ZNF410: variants seen among roughly 807,000 people sequenced by gnomAD.
ZNF410 encodes the protein zinc finger protein 410.
Under a neutral mutation model 54.8 loss-of-function variants are expected in ZNF410, and 18 were observed. The observed-to-expected ratio is 0.33, with a 90% CI of 0.23 to 0.49. The LOEUF (loss-of-function observed/expected upper bound fraction) is 0.49, where lower values mean the gene tolerates loss of function less well. ZNF410 is among the 20% of genes least tolerant of loss of function. The pLI is 0.99. For missense variants in ZNF410, 405 were observed against 569.6 expected, an observed-to-expected ratio of 0.71 and a Z score of 2.94; for synonymous variants, 191 against 207.3, an observed-to-expected ratio of 0.92 and a Z score of 0.68.
At position 73,931,608 on chromosome 14, in the gene ZNF410, T is replaced by G. The variant is rs2055917143; in HGVS notation, c.*67T>G. 1 of 1,450,754 alleles carries G rather than the reference T, an allele frequency of 6.9e-7. No individual in the cohort carries two copies. The highest frequency in any genetic ancestry group is 9.7e-7 in the Non-Finnish European group (1 of 1,035,780). 89.9% of individuals were successfully genotyped at this position (1,450,754 alleles called of 1,614,324 possible). On this transcript the variant is annotated 3_prime_UTR_variant, in exon 12 of 12. Coordinates refer to ENST00000555044, the MANE Select transcript of ZNF410 (RefSeq NM_021188.3). Reference sequence around the variant, plus strand: ...CAAAATGCGTATACTGGGAACAGGATGCCTTAGCCCACAACAGAACCAGAA... The same window carrying G: ...CAAAATGCGTATACTGGGAACAGGAGGCCTTAGCCCACAACAGAACCAGAA...
At chr14:73,904,179 G>T (rs2055448457) in intron 6 of ZNF410, 69 bp downstream of exon 6, 1 of 1,540,616 alleles carries the variant, frequency 6.5e-7, no homozygotes, top group African/African-American at 1.4e-5. Flanking sequence ...AGAGGAACTT[G>T]CCCCTCAGGT....
intron 8 of ZNF410, chr14:73,909,642 G>A (rs1013238797): frequency 8.5e-6 from 4 of 471,694 alleles, no homozygotes; most frequent in African/African-American, 2.0e-5. Context: ...TTTCAGCTGT[G>A]TTTCTAATAA....
intron 3 of ZNF410, among the ~76,000 whole-genome samples, chr14:73,894,615 C>CG (rs1278845685): frequency 6.6e-6 from 1 of 151,848 alleles, no homozygotes; most frequent in African/African-American, 2.4e-5. Flanking sequence ...TTAGTAGAAA[C>CG]GGGGTTTCAC....
rs111246693 is a variant in ZNF410, at chr14:73,893,698, G to C, written c.34-99G>C. ...TTAGTTTTTGTTTGAATATGGATGA[G>C]ACTAGTGAACAGTCTTAATATTATC... On this transcript the variant is annotated intron_variant, in intron 2 of 11. Coordinates refer to ENST00000555044, the MANE Select transcript of ZNF410 (RefSeq NM_021188.3). The C allele has an allele frequency of 1.5e-3, 1,988 of 1,340,520 alleles. 2 individuals are homozygous for C. Among genetic ancestry groups the C allele is most frequent in the Non-Finnish European group, 1.7e-3 (1,724 of 1,006,268 alleles). 83.0% of individuals were successfully genotyped at this position (1,340,520 alleles called of 1,614,324 possible).
chr14:73,918,986 C>A (rs1283746852), intron 8 of ZNF410, among the ~76,000 whole-genome samples: 1 of 142,392 alleles, frequency 7.0e-6, no homozygotes, highest in Non-Finnish European at 1.5e-5. Flanking sequence ...GAGTAAGCCA[C>A]CGTGCCCGGC....
At position 73,892,070 on chromosome 14, in the gene ZNF410, C is replaced by A; in HGVS notation, c.-106C>A. The A allele has an allele frequency of 8.2e-7, 1 of 1,226,204 alleles. No homozygotes were observed. The highest frequency in any genetic ancestry group is 1.2e-6 in the Non-Finnish European group (1 of 826,492). The allele number at this position is 1,226,204 out of a possible 1,614,324, so 76.0% of individuals were successfully genotyped here. A position where few individuals can be genotyped will look rare whatever the true frequency, so the allele number is the denominator to read the frequency against. ...CTAGTACAACATCTTACGGGAAGAGCATAGTATTTCCTAGAGGAATATGAA... is the reference window on the plus strand; with the variant it reads ...CTAGTACAACATCTTACGGGAAGAGAATAGTATTTCCTAGAGGAATATGAA... On this transcript the variant is annotated 5_prime_UTR_variant, in exon 2 of 12. Transcript: ENST00000555044.
At chr14:73,907,371 G>A (rs1035744048) in intron 7 of ZNF410, among the ~76,000 whole-genome samples, 1 of 152,150 alleles carries the variant, frequency 6.6e-6, no homozygotes, top group African/African-American at 2.4e-5. Flanking sequence ...GCTGAGGTGA[G>A]CACATCACTT....
At position 73,892,141 on chromosome 14, in the gene ZNF410, C is replaced by T; in HGVS notation, c.-35C>T. On this transcript the variant is annotated 5_prime_UTR_variant, in exon 2 of 12. Transcript: ENST00000555044. ...GGCTCTGAATTAAATTTGAACTTGT[C>T]CCCTGAATAGCTACAGGTTTTGGAA... 6.2e-7 allele frequency: 1 copy of T among 1,612,486 alleles called. No individual in the cohort carries two copies. Among genetic ancestry groups the T allele is most frequent in the East Asian group, 2.2e-5 (1 of 44,826 alleles).
rs368441309 is a variant in ZNF410 at position 73,921,017 on chromosome 14, C to T, written c.1041C>T (p.Thr347=). 9 of 1,613,952 alleles carry T rather than the reference C, an allele frequency of 5.6e-6. No individual in the cohort carries two copies. Among genetic ancestry groups the T allele is most frequent in the Non-Finnish European group, 6.8e-6 (8 of 1,180,002 alleles). The change falls in exon 9 of 12, where the codon ACC becomes ACT. Residue 347 remains threonine (T), a synonymous_variant. Coordinates refer to ENST00000555044, the MANE Select transcript of ZNF410 (RefSeq NM_021188.3). ...ATCAGTGCCAAGTCTGTGGGAAGAC[C>T]TTCTCTCAGAGTGGAAGCAGGAATG... The part of the protein sequence containing the change: ...KPHQCQVCGK[T]FSQSGSRNVH...
At chr14:73,910,266 CAGGA>C (rs2140311472) in intron 8 of ZNF410, among the ~76,000 whole-genome samples, 1 of 152,262 alleles carries the variant, frequency 6.6e-6, no homozygotes. Flanking sequence ...TAAACTAAAA[CAGGA>C]AGAGATGAGA....
intron 3 of ZNF410, among the ~76,000 whole-genome samples, chr14:73,895,014 T>A (rs2055293170): frequency 6.6e-6 from 1 of 151,938 alleles, no homozygotes; most frequent in Non-Finnish European, 1.5e-5. Context: ...AATTAAAAAT[T>A]AGCTGGGCAT....
chr14:73,896,238 T>G, intron 3 of ZNF410, 78 bp from the exon 4 acceptor site: 1 of 996,854 alleles, frequency 1.0e-6, no homozygotes, highest in Non-Finnish European at 1.6e-6. Context: ...TTCCAAGAGA[T>G]GTTGGGTGCT....
intron 8 of ZNF410, chr14:73,913,984 G>C (rs1242203202): frequency 6.6e-6 from 1 of 152,116 alleles, no homozygotes; most frequent in African/African-American, 2.4e-5. Flanking sequence ...TGTCATCTGA[G>C]AGTAAAGATA....
At chr14:73,898,741 G>GT (rs1457193011) in intron 5 of ZNF410, among the ~76,000 whole-genome samples, 2 of 152,230 alleles carry the variant, frequency 1.3e-5, no homozygotes, top group African/African-American at 4.8e-5. Context: ...GCTCATGGCA[G>GT]TTTAACAATT....
In ZNF410 at chr14:73,909,074, A is replaced by G. The variant is rs146357990; in HGVS notation, c.914-267A>G. Among the ~76,000 whole-genome samples the G allele has an allele frequency of 1.6e-4, 24 of 152,338 alleles. 1 individual carries two copies. The East Asian group carries it at 4.6e-3, about 29-fold the overall frequency. On this transcript the variant is annotated intron_variant, in intron 7 of 11. Transcript: ENST00000555044. The stretch of plus-strand genomic sequence containing the variant: ...TGGGAGTCACTGAAGAAGGTAGGTT[A>G]ATGCAACTCTCCAGCTCTTGGGCCA...
intron 5 of ZNF410, among the ~76,000 whole-genome samples, chr14:73,902,927 A>C (rs1276515700): frequency 6.6e-6 from 1 of 152,178 alleles, no homozygotes; most frequent in Non-Finnish European, 1.5e-5. Context: ...TGTGGTTAGA[A>C]ATTTAAAAAT....
intron 1 of ZNF410, among the ~76,000 whole-genome samples, chr14:73,888,073 CAG>C (rs531534840): frequency 3.9e-5 from 6 of 152,066 alleles, no homozygotes; most frequent in Non-Finnish European, 7.4e-5. Context: ...GAGACCTAAA[CAG>C]GGCATTACAG....
chr14:73,893,694 A>G, intron 2 of ZNF410, 103 bp from the exon 3 acceptor site: 2 of 1,301,154 alleles, frequency 1.5e-6, no homozygotes, highest in Admixed American at 2.8e-5. Flanking sequence ...TTGAATATGG[A>G]TGAGACTAGT....
intron 3 of ZNF410, chr14:73,894,278 C>T (rs538656202): frequency 2.9e-6 from 2 of 694,688 alleles, no homozygotes; most frequent in Non-Finnish European, 5.2e-6. Context: ...GCATGAAACC[C>T]AGGAGAAATC....
Sources: gnomAD v4.1 joint callset for allele counts (sites outside exome capture counted in the v4.1 genomes callset) on GRCh38, gnomAD v4.1.1 for gene constraint, MANE v1.5 for transcripts, NCBI Gene and HGNC (gene_info 2026-07-23, HGNC 2026-07-21) for gene names.